The following FGF9 variants were observed in gnomAD, a reference collection of about 807,000 sequenced individuals.
The protein encoded by FGF9 is fibroblast growth factor 9.
A neutral mutation model predicts 19.9 loss-of-function variants in FGF9; 3 were observed. The ratio of observed to expected loss-of-function variants is 0.15; its 90% confidence interval spans 0.07 to 0.39. The LOEUF is 0.39. Ranked by LOEUF, FGF9 falls within the 10% of genes least tolerant of loss-of-function variation. The pLI is 1.00. For synonymous variants in FGF9, 107 were observed against 106.9 expected, an observed-to-expected ratio of 1.00 and a Z score of -0.01; for missense variants, 175 against 256.8, an observed-to-expected ratio of 0.68 and a Z score of 2.18.
At chr13:21,673,931 C>T (rs1871837243) in intron 1 of FGF9, 1 of 152,172 alleles carries the variant, frequency 6.6e-6, no homozygotes, top group African/African-American at 2.4e-5. Flanking sequence ...CGCGTTCCGG[C>T]TCCCTTTCCG....
Position 21,672,051 on chromosome 13 carries a change from A to G in FGF9, c.139A>G (p.Arg47Gly). 6.2e-7 allele frequency: 1 copy of G among 1,614,220 alleles called. No individual in the cohort carries two copies. The highest frequency in any genetic ancestry group is 1.1e-5 in the South Asian group (1 of 91,086). ...TCAGTCCGAAGCAGGGGGGCTCCCC[A>G]GGGGACCCGCAGTCACGGACTTGGA... The part of the protein sequence containing the change: ...LGQSEAGGLP[R>G]GPAVTDLDHL... Residue 47 changes from arginine to glycine, a missense_variant, in exon 1 of 3, where the codon AGG (arginine) becomes GGG (glycine). By Grantham distance (125) the Arg-to-Gly change is moderately radical (BLOSUM62 -2). This residue lies in a region of FGF9 where 69 missense variants were observed against 73.6 expected (regional missense o/e 0.94). Coordinates refer to ENST00000382353, the MANE Select transcript of FGF9 (RefSeq NM_002010.3). The surrounding 1 kb of genome is among the most constrained non-coding windows in gnomAD (Gnocchi z 4.2).
In FGF9 at chr13:21,671,682, T is replaced by C. The variant is rs1871770017; in HGVS notation, c.-231T>C. The C allele has an allele frequency of 4.9e-6, 3 of 613,016 alleles. No individual in the cohort carries two copies. The highest frequency in any genetic ancestry group is 8.7e-6 in the Non-Finnish European group (3 of 346,502). The allele number at this position is 613,016 out of a possible 1,614,324, so 38.0% of individuals were successfully genotyped here. On this transcript the variant is annotated 5_prime_UTR_variant, in exon 1 of 3. Transcript: ENST00000382353. ...GTTTATCAATATGTCAGTGTGTGAG[T>C]ATAAAGTGGTGGTTTCTTAGACTAT...
rs1373632614 is a variant in FGF9, at chr13:21,702,471, G to A, written c.*1036G>A. 1.3e-5 allele frequency: 2 copies of A among 152,144 alleles called. No individual in the cohort carries two copies. Among genetic ancestry groups the A allele is most frequent in the African/African-American group, 4.8e-5 (2 of 41,420 alleles). The allele number at this position is 152,144 out of a possible 1,614,324, so 9.4% of individuals were successfully genotyped here. A position where few individuals can be genotyped will look rare whatever the true frequency, so the allele number is the denominator to read the frequency against. On this transcript the variant is annotated 3_prime_UTR_variant, in exon 3 of 3. Coordinates refer to ENST00000382353, the MANE Select transcript of FGF9 (RefSeq NM_002010.3). ...TTGGAAAATATGAGGGTTGATATAT[G>A]TCTTACTTGTTTAAATCTGTCGCAG...
Position 21,675,941 on chromosome 13 carries a change from C to T in FGF9, c.277+3752C>T, listed in dbSNP as rs1250779052. On this transcript the variant is annotated intron_variant, in intron 1 of 2. Transcript: ENST00000382353. Reference sequence around the variant, plus strand: ...GAAGGAGCCTTTTTTTTTTTTTTTCCCCCTCGGATTGGTGGTGTGGAGATA... The same window carrying T: ...GAAGGAGCCTTTTTTTTTTTTTTTCTCCCTCGGATTGGTGGTGTGGAGATA... Among the ~76,000 whole-genome samples, 4 of 149,254 alleles carry T rather than the reference C, an allele frequency of 2.7e-5. No homozygotes were observed. The East Asian group carries it at 7.8e-4, about 29-fold the overall frequency.
At position 21,682,371 on chromosome 13, in the gene FGF9, A is replaced by G. The variant is rs564668614; in HGVS notation, c.381+1226A>G. 4.6e-5 allele frequency among the ~76,000 whole-genome samples: 7 copies of G among 152,284 alleles called. No individual in the cohort carries two copies. The East Asian group carries it at 1.2e-3, about 25-fold the overall frequency. ...TAGTTTACAAAAAGTTGAAAATGAAAAGAAGCTTAGAATGAGGAAAGATTT... is the reference window on the plus strand; with the variant it reads ...TAGTTTACAAAAAGTTGAAAATGAAGAGAAGCTTAGAATGAGGAAAGATTT... On this transcript the variant is annotated intron_variant, in intron 2 of 2. Coordinates refer to ENST00000382353, the MANE Select transcript of FGF9 (RefSeq NM_002010.3).
chr13:21,680,361 A>G (rs1565949461), intron 1 of FGF9, among the ~76,000 whole-genome samples: 1 of 152,230 alleles, frequency 6.6e-6, no homozygotes. Context: ...TTAACACAAT[A>G]GAGAGCTGGA....
Position 21,686,804 on chromosome 13 carries a change from G to A in FGF9, c.381+5659G>A, listed in dbSNP as rs829219. Among the ~76,000 whole-genome samples, 652 of 152,266 alleles carry A rather than the reference G, an allele frequency of 4.3e-3. 4 individuals are homozygous for A. Among genetic ancestry groups the A allele is most frequent in the African/African-American group, 0.015 (611 of 41,552 alleles). Reference sequence around the variant, plus strand: ...GCAGTGTCTACTGTACATGAGCATCGAATAGTGATAGCACTGATACAGGGT... The same window carrying A: ...GCAGTGTCTACTGTACATGAGCATCAAATAGTGATAGCACTGATACAGGGT... On this transcript the variant is annotated intron_variant, in intron 2 of 2. Coordinates refer to ENST00000382353, the MANE Select transcript of FGF9 (RefSeq NM_002010.3).
chr13:21,684,711 G>A (rs1283858215), intron 2 of FGF9, among the ~76,000 whole-genome samples: 3 of 152,208 alleles, frequency 2.0e-5, no homozygotes, highest in Admixed American at 1.3e-4. Flanking sequence ...GTAAGATGAA[G>A]AGCTCGAGTT....
At chr13:21,683,168 C>T (rs1445904857) in intron 2 of FGF9, among the ~76,000 whole-genome samples, 1 of 152,210 alleles carries the variant, frequency 6.6e-6, no homozygotes, top group Non-Finnish European at 1.5e-5. Context: ...GATTCAGACT[C>T]CTGTGGTTTA....
At chr13:21,682,751 T>C (rs1872071873) in intron 2 of FGF9, among the ~76,000 whole-genome samples, 1 of 151,584 alleles carries the variant, frequency 6.6e-6, no homozygotes, top group Admixed American at 6.6e-5. Context: ...GGGTCACAGT[T>C]GAACTCAATA....
At chr13:21,697,993 A>G (rs1375993497) in intron 2 of FGF9, among the ~76,000 whole-genome samples, 1 of 152,122 alleles carries the variant, frequency 6.6e-6, no homozygotes, top group Admixed American at 6.5e-5. Context: ...TATTTTTAGT[A>G]GAGATGGGGT....
At position 21,701,298 on chromosome 13, in the gene FGF9, G is replaced by A; in HGVS notation, c.490G>A (p.Val164Ile). 1 of 1,614,080 alleles carries A rather than the reference G, an allele frequency of 6.2e-7. No homozygotes were observed. The highest frequency in any genetic ancestry group is 8.5e-7 in the Non-Finnish European group (1 of 1,180,026). ...KHVDTGRRYY[V>I]ALNKDGTPRE... ...CGTGGACACTGGAAGGCGATACTAT[G>A]TTGCATTAAATAAAGATGGGACCCC... Residue 164 changes from valine to isoleucine, a missense_variant, in exon 3 of 3, where the codon GTT becomes ATT. By Grantham distance (29) the Val-to-Ile change is conservative (BLOSUM62 3). This residue lies in a region of FGF9 where 101 missense variants were observed against 160.7 expected (regional missense o/e 0.63). Transcript: ENST00000382353.
intron 1 of FGF9, among the ~76,000 whole-genome samples, chr13:21,678,301 A>G (rs879519766): frequency 5.9e-5 from 9 of 152,262 alleles, no homozygotes; most frequent in Non-Finnish European, 7.3e-5. Flanking sequence ...CAGAAATCAC[A>G]GAAACATTAA....
chr13:21,689,386 T>G (rs1423728200), intron 2 of FGF9, among the ~76,000 whole-genome samples: 1 of 152,118 alleles, frequency 6.6e-6, no homozygotes, highest in African/African-American at 2.4e-5. Flanking sequence ...GAGTCTTGCA[T>G]GCACTTGGCA....
At chr13:21,696,504 T>A (rs909267864) in intron 2 of FGF9, among the ~76,000 whole-genome samples, 1 of 151,686 alleles carries the variant, frequency 6.6e-6, no homozygotes. Context: ...CAAGAATTGA[T>A]CACTTTATAG....
chr13:21,696,860 A>G (rs932314518), intron 2 of FGF9, among the ~76,000 whole-genome samples: 3 of 152,250 alleles, frequency 2.0e-5, no homozygotes, highest in Non-Finnish European at 4.4e-5. Flanking sequence ...ACACATTGGC[A>G]TAATCCCCAA....
At chr13:21,680,947 G>A (rs1872028033) in intron 1 of FGF9, 95 bp from the exon 2 acceptor site, 3 of 869,062 alleles carry the variant, frequency 3.5e-6, no homozygotes, top group Non-Finnish European at 3.9e-6. Flanking sequence ...GGGGAGCTGG[G>A]CTTAGTGTCC....
At chr13:21,695,212 G>GT (rs990753759) in intron 2 of FGF9, among the ~76,000 whole-genome samples, 45 of 151,924 alleles carry the variant, frequency 3.0e-4, no homozygotes, top group African/African-American at 1.0e-3. Flanking sequence ...TTTCCTTTTC[G>GT]TTTTTTGTTT....
In FGF9 at chr13:21,671,246, C is replaced by A. The variant is rs547446043; in HGVS notation, c.-667C>A. Reference sequence around the variant, plus strand: ...CCGTTCTAAGCCAATGGACATCTGCCGAGCCTCTGGAGAATCCTGGATACT... The same window carrying A: ...CCGTTCTAAGCCAATGGACATCTGCAGAGCCTCTGGAGAATCCTGGATACT... On this transcript the variant is annotated 5_prime_UTR_variant, in exon 1 of 3. Transcript: ENST00000382353. 8.3e-6 allele frequency: 2 copies of A among 240,292 alleles called. No homozygotes were observed. Among genetic ancestry groups the A allele is most frequent in the Non-Finnish European group, 1.6e-5 (2 of 126,314 alleles). 14.9% of individuals were successfully genotyped at this position (240,292 alleles called of 1,614,324 possible). A position where few individuals can be genotyped will look rare whatever the true frequency, so the allele number is the denominator to read the frequency against.
Sources: gnomAD v4.1 joint callset for allele counts (sites outside exome capture counted in the v4.1 genomes callset) on GRCh38, gnomAD v4.1.1 for gene constraint, gnomAD v4.1.1 regional missense constraint, Gnocchi (gnomAD v3.1) non-coding constraint, MANE v1.5 for transcripts, NCBI Gene and HGNC (gene_info 2026-07-23, HGNC 2026-07-21) for gene names.